The following DCC variants were observed in gnomAD, a reference collection of about 807,000 sequenced individuals.
The protein encoded by DCC is DCC netrin 1 receptor, also known as netrin receptor DCC.
In DCC, 58 loss-of-function variants were observed where a neutral mutation model predicts 172.5. The observed-to-expected ratio is 0.34, with a 90% CI of 0.27 to 0.42. The LOEUF (loss-of-function observed/expected upper bound fraction) is 0.42. DCC is among the 10% of genes least tolerant of loss of function. DCC has a pLI of 1.00. For synonymous variants in DCC, 709 were observed against 644.5 expected, an observed-to-expected ratio of 1.10 and a Z score of -1.52; for missense variants, 1,740 against 1,791.0, an observed-to-expected ratio of 0.97 and a Z score of 0.51.
At chr18:52,803,658 A>G (rs893164915) in intron 2 of DCC, among the ~76,000 whole-genome samples, 4 of 152,170 alleles carry the variant, frequency 2.6e-5, no homozygotes, top group African/African-American at 9.7e-5. Flanking sequence ...TCTCCAAAAA[A>G]AGTTTCCAAA....
At chr18:53,463,861 T>A (rs1490111533) in intron 24 of DCC, among the ~76,000 whole-genome samples, 8 of 152,348 alleles carry the variant, frequency 5.3e-5, no homozygotes, top group Non-Finnish European at 1.0e-4. Context: ...GTTTACAGTA[T>A]TCATACTTTA....
chr18:52,449,107 G>A (rs1292023419), intron 1 of DCC, among the ~76,000 whole-genome samples: 1 of 152,076 alleles, frequency 6.6e-6, no homozygotes, highest in African/African-American at 2.4e-5. Flanking sequence ...ATGGCAACAG[G>A]CAAAAAAGGA....
intron 1 of DCC, among the ~76,000 whole-genome samples, chr18:52,434,521 A>G (rs890762995): frequency 6.6e-6 from 1 of 152,226 alleles, no homozygotes; most frequent in African/African-American, 2.4e-5. Flanking sequence ...GAGAAAATAT[A>G]CTGATAAAAC....
intron 21 of DCC, among the ~76,000 whole-genome samples, chr18:53,421,817 A>T (rs1235216746): frequency 6.6e-6 from 1 of 152,188 alleles, no homozygotes; most frequent in Admixed American, 6.6e-5. Flanking sequence ...GTATTAGAAT[A>T]AAAACTCAGG....
intron 1 of DCC, among the ~76,000 whole-genome samples, chr18:52,380,295 A>C (rs934250639): frequency 6.6e-6 from 1 of 152,132 alleles, no homozygotes; most frequent in African/African-American, 2.4e-5. Context: ...TTCTGCTCTG[A>C]GATAAATGAG....
At chr18:52,535,551 A>G (rs867152243) in intron 1 of DCC, among the ~76,000 whole-genome samples, 4 of 152,198 alleles carry the variant, frequency 2.6e-5, no homozygotes, top group African/African-American at 9.6e-5. Context: ...AGACGTGTAA[A>G]TCATGTCCAG....
intron 27 of DCC, 117 bp downstream of exon 27, chr18:53,499,627 T>C (rs1349520507): frequency 1.2e-6 from 1 of 857,302 alleles, no homozygotes; most frequent in African/African-American, 1.7e-5. Context: ...GCTGATTACA[T>C]GCCCAGTGTG....
At chr18:53,345,814 G>C (rs532170475) in intron 15 of DCC, among the ~76,000 whole-genome samples, 1 of 147,882 alleles carries the variant, frequency 6.8e-6, no homozygotes, top group South Asian at 2.1e-4. Context: ...CTGTATTCTT[G>C]ACTCTATGGT....
intron 21 of DCC, among the ~76,000 whole-genome samples, chr18:53,428,330 ATATAT>A (rs1430888370): frequency 2.8e-5 from 1 of 35,510 alleles, no homozygotes; most frequent in Non-Finnish European, 7.2e-5. Flanking sequence ...ATATAATATA[ATATAT>A]TGTATATAAT....
At chr18:52,907,838 T>G (rs559702761) in intron 3 of DCC, among the ~76,000 whole-genome samples, 3 of 152,292 alleles carry the variant, frequency 2.0e-5, no homozygotes, top group African/African-American at 7.2e-5. Flanking sequence ...GAGTTCTGGG[T>G]GGATGCACAC....
intron 1 of DCC, among the ~76,000 whole-genome samples, chr18:52,551,305 A>G (rs2032763564): frequency 1.3e-5 from 2 of 152,046 alleles, no homozygotes; most frequent in South Asian, 4.1e-4. Context: ...AGCAAGGTAG[A>G]ATCATACTTC....
chr18:53,098,774 TG>T (rs1307123013), intron 7 of DCC, among the ~76,000 whole-genome samples: 1 of 152,116 alleles, frequency 6.6e-6, no homozygotes, highest in Non-Finnish European at 1.5e-5. Flanking sequence ...TGGGAGGCTA[TG>T]GCATGAGAAT....
At chr18:52,430,189 G>A (rs551120941) in intron 1 of DCC, among the ~76,000 whole-genome samples, 14 of 152,012 alleles carry the variant, frequency 9.2e-5, no homozygotes, top group Non-Finnish European at 1.6e-4. Context: ...GGTTTTAGAC[G>A]TGAAAGTAAT....
intron 12 of DCC, among the ~76,000 whole-genome samples, chr18:53,289,679 A>C (rs2056978910): frequency 6.6e-6 from 1 of 152,162 alleles, no homozygotes; most frequent in East Asian, 1.9e-4. Flanking sequence ...GATCATTAAC[A>C]ATCCAAAAAG....
At chr18:52,899,825 G>A (rs748624232) in intron 2 of DCC, among the ~76,000 whole-genome samples, 2 of 152,098 alleles carry the variant, frequency 1.3e-5, no homozygotes, top group Non-Finnish European at 2.9e-5. Flanking sequence ...TGCTTTCCTA[G>A]TTATTGCTTG....
rs556328423 is a variant in DCC, at chr18:52,841,925, C to T, written c.413-64119C>T. On this transcript the variant is annotated intron_variant, in intron 2 of 28. Coordinates refer to ENST00000442544, the MANE Select transcript of DCC (RefSeq NM_005215.4). ...ACATGTTAATACTATAACTGACAAC[C>T]GGAACAAATATGAGATATATCAAAC... Among the ~76,000 whole-genome samples, 11 of 151,756 alleles carry T rather than the reference C, an allele frequency of 7.2e-5. No individual in the cohort carries two copies. In the South Asian group the frequency reaches 1.5e-3, roughly 20 times the overall value.
At chr18:53,220,023 G>T (rs1428644218) in intron 12 of DCC, among the ~76,000 whole-genome samples, 1 of 152,104 alleles carries the variant, frequency 6.6e-6, no homozygotes, top group Non-Finnish European at 1.5e-5. Context: ...CTGTCATTGG[G>T]CTGGTGTTGC....
chr18:52,671,252 A>C (rs1365316476), intron 1 of DCC, among the ~76,000 whole-genome samples: 1 of 152,130 alleles, frequency 6.6e-6, no homozygotes, highest in Admixed American at 6.5e-5. Context: ...GCTTCAAGGA[A>C]CTCACGGTCA....
chr18:53,157,308 T>C, intron 7 of DCC, 48 bp from the exon 8 acceptor site: 1 of 1,612,984 alleles, frequency 6.2e-7, no homozygotes, highest in Non-Finnish European at 8.5e-7. Flanking sequence ...ACCCAATTCT[T>C]ACCTATGGCA....
Sources: gnomAD v4.1 joint callset for allele counts (sites outside exome capture counted in the v4.1 genomes callset) on GRCh38, gnomAD v4.1.1 for gene constraint, MANE v1.5 for transcripts, NCBI Gene and HGNC (gene_info 2026-07-23, HGNC 2026-07-21) for gene names.